The following TOP1MT variants were observed in gnomAD, a reference collection of about 807,000 sequenced individuals.
The protein encoded by TOP1MT is DNA topoisomerase I, mitochondrial.
A neutral mutation model predicts 73.9 loss-of-function variants in TOP1MT; 80 were observed. That is an observed-to-expected ratio of 1.08 (90% CI 0.90 to 1.30). The LOEUF (loss-of-function observed/expected upper bound fraction) is 1.30. Among genes scored for constraint, TOP1MT ranks in the 50% most tolerant of loss-of-function variants. The pLI, the probability that TOP1MT is intolerant of heterozygous loss-of-function variation, is 0.00. For synonymous variants in TOP1MT, 338 were observed against 326.4 expected (o/e 1.04, Z -0.38); for missense variants, 815 against 808.0 (o/e 1.01, Z -0.10).
At chr8:143,321,413 G>A (rs559102588) in intron 7 of TOP1MT, 27 bp from the exon 8 acceptor site, 65 of 1,546,890 alleles carry the variant, frequency 4.2e-5, no homozygotes, top group Non-Finnish European at 5.3e-5. Flanking sequence ...GGTCAAAGTG[G>A]GTGGTGCGTG....
upstream of TOP1MT, among the ~76,000 whole-genome samples, chr8:143,337,103 A>T (rs146732595): frequency 1.3e-5 from 2 of 152,298 alleles, no homozygotes; most frequent in Non-Finnish European, 2.9e-5. Flanking sequence ...CAGCCATCCC[A>T]TGTTCACGGA....
At chr8:143,312,981 G>T (rs1364808534) in intron 12 of TOP1MT, among the ~76,000 whole-genome samples, 3 of 152,250 alleles carry the variant, frequency 2.0e-5, no homozygotes, top group African/African-American at 7.2e-5. Flanking sequence ...AGGAGGCTGA[G>T]GCGGGAGGAT....
At chr8:143,317,885 C>T in intron 9 of TOP1MT, 48 bp from the exon 10 acceptor site, 1 of 1,603,484 alleles carries the variant, frequency 6.2e-7, no homozygotes, top group Non-Finnish European at 8.5e-7. Context: ...GCGGGGCCGT[C>T]CCAGCCTCCC....
In TOP1MT at chr8:143,310,093, G is replaced by A. The variant is rs1815966533; in HGVS notation, c.1678C>T (p.Leu560=). ...CAGGCAATGCTGATCCTGGGGTCCA[G>A]GTAGTTGAGCTTGGACGTGCCCAGG... ...VALGTSKLNY[L]DPRISIAWCK... The change falls in exon 13 of 14, where the codon CTG becomes TTG. Residue 560 remains leucine, a synonymous_variant. Transcript: ENST00000329245. 4 of 1,613,386 alleles carry A rather than the reference G, an allele frequency of 2.5e-6. No individual in the cohort carries two copies. The East Asian group carries it at 8.9e-5, about 36-fold the overall frequency.
intron 2 of TOP1MT, among the ~76,000 whole-genome samples, chr8:143,342,358 C>T (rs969768246): frequency 2.2e-4 from 30 of 139,124 alleles, no homozygotes; most frequent in Non-Finnish European, 4.4e-4. Flanking sequence ...GACAGAGTCT[C>T]GCTCTGTTAT....
upstream of TOP1MT, among the ~76,000 whole-genome samples, chr8:143,339,571 T>C (rs1346976369): frequency 6.6e-6 from 1 of 152,182 alleles, no homozygotes; most frequent in Non-Finnish European, 1.5e-5. Context: ...CTGCTCCCAG[T>C]ACCCTACAAC....
At chr8:143,354,357 T>C (rs1379417537) in intron 1 of TOP1MT, among the ~76,000 whole-genome samples, 1 of 151,968 alleles carries the variant, frequency 6.6e-6, no homozygotes, top group African/African-American at 2.4e-5. Context: ...AGCAAATCCA[T>C]GGAAATAGAA....
Position 143,321,266 on chromosome 8 carries a change from C to G in TOP1MT, c.1081G>C (p.Val361Leu), listed in dbSNP as rs373788359. Reference protein sequence around the residue: ...HPEADGCQHVVEFDFLGKDCI... With the variant: ...HPEADGCQHVLEFDFLGKDCI... ...TCCTTCCCCAGGAAGTCAAATTCCA[C>G]CACGTGTTGGCAGCCATCGGCCTCC... The change falls in exon 8 of 14, where the codon GTG becomes CTG. Residue 361 changes from valine (V) to leucine (L), a missense_variant. Transcript: ENST00000329245. 3 of 1,612,514 alleles carry G rather than the reference C, an allele frequency of 1.9e-6. No homozygotes were observed. The highest frequency in any genetic ancestry group is 2.7e-5 in the African/African-American group (2 of 74,868).
chr8:143,321,084 C>G (rs1209758460), intron 8 of TOP1MT, 117 bp downstream of exon 8: 5 of 1,103,082 alleles, frequency 4.5e-6, no homozygotes, highest in Non-Finnish European at 6.4e-6. Flanking sequence ...CAGGCCTCAC[C>G]CAGCAGGCAG....
At chr8:143,334,057 G>T in intron 1 of TOP1MT, 1 of 152,454 alleles carries the variant, frequency 6.6e-6, no homozygotes, top group Non-Finnish European at 1.5e-5. Context: ...CTAAGTGAAT[G>T]ATGATAAACC....
chr8:143,323,746 CAT>C (rs1816619605), intron 7 of TOP1MT, among the ~76,000 whole-genome samples: 1 of 43,986 alleles, frequency 2.3e-5, no homozygotes, highest in African/African-American at 1.1e-4. Flanking sequence ...ACGCCACACA[CAT>C]GCACGCCCCA....
intron 1 of TOP1MT, among the ~76,000 whole-genome samples, chr8:143,333,615 G>A (rs1308138214): frequency 6.6e-6 from 1 of 152,210 alleles, no homozygotes; most frequent in East Asian, 1.9e-4. Context: ...ACCACTGGGT[G>A]TGCGCTCAAG....
chr8:143,315,892 A>C, intron 11 of TOP1MT, 71 bp from the exon 12 acceptor site: 1 of 1,604,598 alleles, frequency 6.2e-7, no homozygotes, highest in Non-Finnish European at 8.5e-7. Context: ...ACACCCTTCC[A>C]CACCCTACGT....
At chr8:143,328,982 G>A (rs1488583019) in intron 3 of TOP1MT, among the ~76,000 whole-genome samples, 3 of 152,182 alleles carry the variant, frequency 2.0e-5, no homozygotes, top group Non-Finnish European at 4.4e-5. Flanking sequence ...CCTGGGGGCT[G>A]GGAAATGGCA....
upstream of TOP1MT, among the ~76,000 whole-genome samples, chr8:143,337,477 C>A (rs1426482684): frequency 2.6e-5 from 4 of 152,258 alleles, no homozygotes; most frequent in East Asian, 7.7e-4. Context: ...TTCCAGCTGG[C>A]GTTTTTACAG....
upstream of TOP1MT, among the ~76,000 whole-genome samples, chr8:143,357,007 T>C (rs190068675): frequency 1.8e-4 from 26 of 146,422 alleles, 1 homozygote; most frequent in East Asian, 4.0e-3. Context: ...GGCAGGAGAA[T>C]GGTATGAACC....
intron 12 of TOP1MT, among the ~76,000 whole-genome samples, chr8:143,315,323 A>G (rs1381635537): frequency 6.6e-6 from 1 of 152,156 alleles, no homozygotes; most frequent in Non-Finnish European, 1.5e-5. Context: ...AAGTACTAAA[A>G]GTCTCTGATA....
chr8:143,326,780 C>T (rs957572368), intron 3 of TOP1MT, among the ~76,000 whole-genome samples: 2 of 152,204 alleles, frequency 1.3e-5, no homozygotes, highest in African/African-American at 4.8e-5. Flanking sequence ...ATCTGGTGAA[C>T]GTGACGGGAT....
upstream of TOP1MT, chr8:143,359,254 A>G (rs537774557): frequency 5.3e-5 from 52 of 985,194 alleles, no homozygotes; most frequent in African/African-American, 8.2e-4. Flanking sequence ...AAAAAAAAAC[A>G]GCTGCAAACC....
Sources: allele counts gnomAD v4.1 joint callset (sites outside exome capture counted in the v4.1 genomes callset), GRCh38; gene constraint gnomAD v4.1.1; transcripts MANE v1.5; gene names NCBI Gene and HGNC (gene_info 2026-07-23, HGNC 2026-07-21).